Variants in MACROH2A2 observed in about 807,000 individuals in gnomAD.
MACROH2A2 encodes the protein macroH2A.2 histone, also known as core histone macro-H2A.2.
Under a neutral mutation model 37.6 loss-of-function variants are expected in MACROH2A2, and 6 were observed. That is an observed-to-expected ratio of 0.16 (90% CI 0.09 to 0.32). The LOEUF (loss-of-function observed/expected upper bound fraction) is 0.32, where lower values mean the gene tolerates loss of function less well. Among genes scored for constraint, MACROH2A2 ranks in the 10% least tolerant of loss-of-function variants. The probability of loss-of-function intolerance (pLI) is 1.00; values close to 1 mark genes in which losing one functional copy is unlikely to be tolerated. For missense variants in MACROH2A2, 290 were observed against 485.9 expected, an observed-to-expected ratio of 0.60 and a Z score of 3.79; for synonymous variants, 192 against 202.7, an observed-to-expected ratio of 0.95 and a Z score of 0.45.
Position 70,111,801 on chromosome 10 carries a change from C to T in MACROH2A2, c.*118C>T. On this transcript the variant is annotated 3_prime_UTR_variant, in exon 9 of 9. Coordinates refer to ENST00000373255, the MANE Select transcript of MACROH2A2 (RefSeq NM_018649.3). Reference sequence around the variant, plus strand: ...GGAGTGGAGGGTGGCCGGGCAGGTCCTGCCGGCGCAGGGAGCCCTCTGCCC... The same window carrying T: ...GGAGTGGAGGGTGGCCGGGCAGGTCTTGCCGGCGCAGGGAGCCCTCTGCCC... The T allele has an allele frequency of 2.4e-6, 2 of 827,728 alleles. No homozygotes were observed. The highest frequency in any genetic ancestry group is 4.4e-5 in the South Asian group (2 of 45,194). 51.3% of individuals were successfully genotyped at this position (827,728 alleles called of 1,614,324 possible). A position where few individuals can be genotyped will look rare whatever the true frequency, so the allele number is the denominator to read the frequency against.
chr10:70,060,400 G>A (rs2072043959), intron 1 of MACROH2A2, among the ~76,000 whole-genome samples: 1 of 151,986 alleles, frequency 6.6e-6, no homozygotes, highest in African/African-American at 2.4e-5. Flanking sequence ...AAAAAGGACA[G>A]ACAGCAAGAA....
chr10:70,095,434 G>A (rs565847654), intron 5 of MACROH2A2, among the ~76,000 whole-genome samples: 1 of 151,918 alleles, frequency 6.6e-6, no homozygotes, highest in Admixed American at 6.6e-5. Context: ...TGGATTTGTT[G>A]CATGCTGCCA....
chr10:70,109,226 G>A lies in MACROH2A2; in HGVS notation c.953+19G>A, dbSNP rs191182114. 3 of 1,605,958 alleles carry A rather than the reference G, an allele frequency of 1.9e-6. No homozygotes were observed. The highest frequency in any genetic ancestry group is 3.3e-5 in the Admixed American group (2 of 60,016). ...GCGGCAGGTAAGATGCAGTTCCCCT[G>A]AGTTGATTCCTCCGGCTTTTTCCCT... is the stretch of plus-strand genomic sequence containing the variant. On this transcript the variant is annotated intron_variant, in intron 8 of 8. Coordinates refer to ENST00000373255, the MANE Select transcript of MACROH2A2 (RefSeq NM_018649.3).
At chr10:70,065,779 A>G (rs1284291746) in intron 1 of MACROH2A2, among the ~76,000 whole-genome samples, 1 of 152,150 alleles carries the variant, frequency 6.6e-6, no homozygotes, top group Non-Finnish European at 1.5e-5. Flanking sequence ...TGGGAGAAAT[A>G]AAGAAATTGG....
chr10:70,056,053 T>C (rs1455085295), intron 1 of MACROH2A2, among the ~76,000 whole-genome samples: 1 of 152,180 alleles, frequency 6.6e-6, no homozygotes, highest in Non-Finnish European at 1.5e-5. Flanking sequence ...ATGGTACTAT[T>C]GATATTAAAA....
intron 3 of MACROH2A2, among the ~76,000 whole-genome samples, chr10:70,090,760 A>AT (rs2136634952): frequency 6.6e-6 from 1 of 152,358 alleles, no homozygotes; most frequent in African/African-American, 2.4e-5. Context: ...CACTAGAAAA[A>AT]TTAAAAAGCA....
At chr10:70,061,513 C>T (rs1233323585) in intron 1 of MACROH2A2, among the ~76,000 whole-genome samples, 1 of 152,164 alleles carries the variant, frequency 6.6e-6, no homozygotes, top group Non-Finnish European at 1.5e-5. Flanking sequence ...AACCACAGCT[C>T]AGGTTCAACA....
chr10:70,057,197 G>A (rs946374748), intron 1 of MACROH2A2, among the ~76,000 whole-genome samples: 1 of 152,174 alleles, frequency 6.6e-6, no homozygotes, highest in Admixed American at 6.5e-5. Flanking sequence ...GTGGCATCTG[G>A]GGGTAAAACA....
At chr10:70,089,965 A>G in intron 2 of MACROH2A2, 95 bp from the exon 3 acceptor site, 1 of 807,084 alleles carries the variant, frequency 1.2e-6, no homozygotes, top group South Asian at 1.4e-5. Context: ...TCACAAATGA[A>G]TGAATGTGAT....
chr10:70,055,697 T>G (rs1244918434), intron 1 of MACROH2A2, among the ~76,000 whole-genome samples: 1 of 152,218 alleles, frequency 6.6e-6, no homozygotes, highest in African/African-American at 2.4e-5. Context: ...CTGACTGGTG[T>G]GTAAATTGAT....
rs1183272107 is a variant in MACROH2A2, at chr10:70,053,593, A to G, written c.-60+593A>G. Among the ~76,000 whole-genome samples the G allele has an allele frequency of 6.6e-6, 1 of 151,192 alleles. No homozygotes were observed. The highest frequency in any genetic ancestry group is 1.5e-5 in the Non-Finnish European group (1 of 67,730). On this transcript the variant is annotated intron_variant, in intron 1 of 8. Coordinates refer to ENST00000373255, the MANE Select transcript of MACROH2A2 (RefSeq NM_018649.3). The surrounding 1 kb of genome is among the most constrained non-coding windows in gnomAD (Gnocchi z 4.8). ...GGGGCGGGCCGCGCCGGGGAAGGTC[A>G]GGTCGGGGACGCCGGGTGGCGGGGC... is the stretch of plus-strand genomic sequence containing the variant.
At position 70,062,657 on chromosome 10, in the gene MACROH2A2, G is replaced by C. The variant is rs1349439831; in HGVS notation, c.-60+9657G>C. Among the ~76,000 whole-genome samples, 4 of 152,272 alleles carry C rather than the reference G, an allele frequency of 2.6e-5. No homozygotes were observed. The South Asian group carries it at 6.2e-4, about 24-fold the overall frequency. On this transcript the variant is annotated intron_variant, in intron 1 of 8. Coordinates refer to ENST00000373255, the MANE Select transcript of MACROH2A2 (RefSeq NM_018649.3). ...CTTTGTCAAGGTGATTCATCGGTGT[G>C]ACCGAACCCCACCTGTGACACCCTG...
Position 70,064,656 on chromosome 10 carries a change from G to A in MACROH2A2, c.-59-10944G>A, listed in dbSNP as rs560814687. 3.3e-5 allele frequency among the ~76,000 whole-genome samples: 5 copies of A among 152,280 alleles called. No individual in the cohort carries two copies. In the East Asian group the frequency reaches 5.8e-4, roughly 18 times the overall value. ...TCTCCTGATAGTGAATAAGTCTCACGAGATCTGATGGGTTTATCAGGGGTT... is the reference window on the plus strand; with the variant it reads ...TCTCCTGATAGTGAATAAGTCTCACAAGATCTGATGGGTTTATCAGGGGTT... On this transcript the variant is annotated intron_variant, in intron 1 of 8. Transcript: ENST00000373255.
intron 7 of MACROH2A2, among the ~76,000 whole-genome samples, chr10:70,103,004 G>C (rs1423382959): frequency 6.6e-6 from 1 of 152,072 alleles, no homozygotes; most frequent in Non-Finnish European, 1.5e-5. Context: ...AGTATAAAGA[G>C]GGCCAGAGCC....
intron 7 of MACROH2A2, among the ~76,000 whole-genome samples, chr10:70,103,416 C>G (rs553633871): frequency 2.0e-5 from 3 of 152,230 alleles, no homozygotes; most frequent in African/African-American, 7.2e-5. Flanking sequence ...CTGTGTTGCC[C>G]AGGCTGATCT....
intron 1 of MACROH2A2, among the ~76,000 whole-genome samples, chr10:70,054,578 A>G (rs1564538700): frequency 2.0e-5 from 3 of 152,236 alleles, no homozygotes; most frequent in African/African-American, 7.2e-5. Flanking sequence ...TAGGTGAGAG[A>G]AAAAGAAAAC....
At chr10:70,089,445 A>G (rs1438039376) in intron 2 of MACROH2A2, among the ~76,000 whole-genome samples, 1 of 152,172 alleles carries the variant, frequency 6.6e-6, no homozygotes, top group Non-Finnish European at 1.5e-5. Flanking sequence ...TCAGCCCACC[A>G]TTAGAAAGGA....
chr10:70,086,061 A>G (rs1355346825), intron 2 of MACROH2A2, among the ~76,000 whole-genome samples: 1 of 151,672 alleles, frequency 6.6e-6, no homozygotes, highest in East Asian at 1.9e-4. Flanking sequence ...CAGTGGCACT[A>G]TCACAGCTCA....
chr10:70,092,969 A>G (rs975340527), intron 4 of MACROH2A2, among the ~76,000 whole-genome samples: 3 of 151,220 alleles, frequency 2.0e-5, no homozygotes, highest in Non-Finnish European at 4.4e-5. Flanking sequence ...ATGTTTTCCT[A>G]TGTTGCCCAG....
Sources: allele counts gnomAD v4.1 joint callset (sites outside exome capture counted in the v4.1 genomes callset), GRCh38; gene constraint gnomAD v4.1.1; non-coding constraint Gnocchi (gnomAD v3.1); transcripts MANE v1.5; gene names NCBI Gene and HGNC (gene_info 2026-07-23, HGNC 2026-07-21).